CAV1: variants seen among roughly 807,000 people sequenced by gnomAD.
CAV1 encodes caveolin-1.
A neutral mutation model predicts 16.5 loss-of-function variants in CAV1; 10 were observed. The observed-to-expected ratio is 0.61, with a 90% confidence interval of 0.37 to 1.03. The LOEUF (loss-of-function observed/expected upper bound fraction) is 1.03. Among genes scored for constraint, CAV1 ranks in the 50% least tolerant of loss-of-function variants. CAV1 has a pLI of 0.01. For missense variants in CAV1, 212 were observed against 232.8 expected (o/e 0.91, Z 0.58); for synonymous variants, 76 against 85.1 (o/e 0.89, Z 0.59).
chr7:116,555,520 GAGAGAGAGAGAGAGAGAGAGAGA>G (rs1794257621), intron 2 of CAV1, among the ~76,000 whole-genome samples: 1 of 8,966 alleles, frequency 1.1e-4, no homozygotes, highest in Non-Finnish European at 2.2e-4. Flanking sequence ...AAGAAAGAAA[GAGAGAGAGAGAGAGAGAGAGAGA>G]GAAAGAAAGA....
At position 116,525,106 on chromosome 7, in the gene CAV1, G is replaced by C. The variant is rs35697540; in HGVS notation, c.30+14G>C. 3.7e-6 allele frequency: 6 copies of C among 1,614,056 alleles called. No homozygotes were observed. Among genetic ancestry groups the C allele is most frequent in the African/African-American group, 2.7e-5 (2 of 74,928 alleles). On this transcript the variant is annotated intron_variant, in intron 1 of 2. Coordinates refer to ENST00000341049, the MANE Select transcript of CAV1 (RefSeq NM_001753.5). ...GTAGACTCGGAGGTAGGCATCCGTG[G>C]GGGGGCGCCGGCTCGGGCGTGCGGG...
intron 2 of CAV1, among the ~76,000 whole-genome samples, chr7:116,527,845 A>G (rs563719015): frequency 2.0e-5 from 3 of 152,304 alleles, no homozygotes; most frequent in South Asian, 4.1e-4. Flanking sequence ...CAAAAGGGGA[A>G]ACAGTTTAAT....
chr7:116,530,054 C>T (rs1303478537), intron 2 of CAV1, among the ~76,000 whole-genome samples: 1 of 152,146 alleles, frequency 6.6e-6, no homozygotes, highest in Non-Finnish European at 1.5e-5. Context: ...AGATTAGATG[C>T]TTTGCTATGT....
rs1026531266 is a variant in CAV1, at chr7:116,552,195, T to C, written c.196-6751T>C. On this transcript the variant is annotated intron_variant, in intron 2 of 2. Coordinates refer to ENST00000341049, the MANE Select transcript of CAV1 (RefSeq NM_001753.5). ...TGAAAGCCATCTTAGATGCTGTCTA[T>C]CGCATCTAAGTGTGATTTTTCCAGA... Among the ~76,000 whole-genome samples, 3 of 152,346 alleles carry C rather than the reference T, an allele frequency of 2.0e-5. No individual in the cohort carries two copies. In the South Asian group the frequency reaches 6.2e-4, roughly 32 times the overall value.
intron 2 of CAV1, among the ~76,000 whole-genome samples, chr7:116,555,982 A>G (rs1378358978): frequency 6.6e-6 from 1 of 152,190 alleles, no homozygotes; most frequent in Non-Finnish European, 1.5e-5. Context: ...AGCAATAACT[A>G]ACTGAATATA....
At chr7:116,556,490 A>G (rs943936880) in intron 2 of CAV1, among the ~76,000 whole-genome samples, 4 of 152,254 alleles carry the variant, frequency 2.6e-5, no homozygotes, top group African/African-American at 9.6e-5. Context: ...CCTCAAATCT[A>G]CCTCTCTTTT....
intron 2 of CAV1, among the ~76,000 whole-genome samples, chr7:116,535,726 G>A (rs542686204): frequency 4.1e-4 from 63 of 152,244 alleles, no homozygotes; most frequent in Admixed American, 1.3e-3. Flanking sequence ...CTATGTTGAT[G>A]TTTCAGATAT....
chr7:116,542,033 G>T (rs955569526), intron 2 of CAV1, among the ~76,000 whole-genome samples: 2 of 152,188 alleles, frequency 1.3e-5, no homozygotes, highest in Non-Finnish European at 2.9e-5. Context: ...GGGGCAAAGA[G>T]GAATTGATGT....
chr7:116,549,433 T>C (rs145994866), intron 2 of CAV1, among the ~76,000 whole-genome samples: 1 of 152,342 alleles, frequency 6.6e-6, no homozygotes, highest in Non-Finnish European at 1.5e-5. Context: ...CAGTGGGCTT[T>C]CCATGCTGTC....
At chr7:116,526,821 C>G (rs1036602340) in intron 2 of CAV1, 132 bp downstream of exon 2, 2 of 1,034,196 alleles carry the variant, frequency 1.9e-6, no homozygotes, top group East Asian at 5.2e-5. Flanking sequence ...CACACACACA[C>G]AGAGTTTTGT....
intron 2 of CAV1, among the ~76,000 whole-genome samples, chr7:116,549,369 C>A (rs1224803320): frequency 6.6e-6 from 1 of 152,134 alleles, no homozygotes; most frequent in Non-Finnish European, 1.5e-5. Flanking sequence ...CCTATATTTT[C>A]TAAATTGTTT....
At chr7:116,534,395 A>ATATATATATATATATTTTTT (rs1442237865) in intron 2 of CAV1, among the ~76,000 whole-genome samples, 1 of 7,838 alleles carries the variant, frequency 1.3e-4, no homozygotes, top group African/African-American at 3.3e-4. Context: ...ATATATATAT[A>ATATATATATATATATTTTTT]TTTTTTTTTT....
At position 116,544,999 on chromosome 7, in the gene CAV1, A is replaced by G. The variant is rs78012511; in HGVS notation, c.196-13947A>G. ...ACGCTTCATAAATATTGTATAAATG[A>G]ATGAACTCACAAAGTCACAGTACAG... On this transcript the variant is annotated intron_variant, in intron 2 of 2. Coordinates refer to ENST00000341049, the MANE Select transcript of CAV1 (RefSeq NM_001753.5). Among the ~76,000 whole-genome samples, 19 of 152,352 alleles carry G rather than the reference A, an allele frequency of 1.2e-4. 1 individual carries two copies. The East Asian group carries it at 3.7e-3, about 29-fold the overall frequency.
rs370980195 is a variant in CAV1, at chr7:116,535,124, G to A, written c.195+8435G>A. Among the ~76,000 whole-genome samples the A allele has an allele frequency of 6.9e-4, 105 of 152,222 alleles. 1 individual carries two copies. Among genetic ancestry groups the A allele is most frequent in the African/African-American group, 2.2e-3 (92 of 41,546 alleles). On this transcript the variant is annotated intron_variant, in intron 2 of 2. Transcript: ENST00000341049. ...ACAGACTAGCCAGCACTACTCAGCC[G>A]CAAGTAATAGCATCCAGGCATGCTC...
Position 116,555,483 on chromosome 7 carries a change from GAAAA to G in CAV1, c.196-3462_196-3459del, listed in dbSNP as rs1562837918. Reference sequence around the variant, plus strand: ...AGGAAGGAAGGAAGGAAGGAGGAAAGAAAAGAAAGAAAGAAAGAAAGAAAGAAAG... The same window carrying G: ...AGGAAGGAAGGAAGGAAGGAGGAAAGGAAAGAAAGAAAGAAAGAAAGAAAG... On this transcript the variant is annotated intron_variant, in intron 2 of 2. Transcript: ENST00000341049. 2.2e-3 allele frequency among the ~76,000 whole-genome samples: 34 copies of G among 15,374 alleles called. 2 individuals are homozygous for G. Among genetic ancestry groups the G allele is most frequent in the Middle Eastern group, 0.026 (1 of 38 alleles). 10.1% of individuals were successfully genotyped at this position (15,374 alleles called of 152,430 possible). A position where few individuals can be genotyped will look rare whatever the true frequency, so the allele number is the denominator to read the frequency against.
At chr7:116,540,433 T>C (rs1377956528) in intron 2 of CAV1, among the ~76,000 whole-genome samples, 3 of 152,166 alleles carry the variant, frequency 2.0e-5, no homozygotes, top group African/African-American at 7.2e-5. Context: ...AGCTTTCCTA[T>C]CAACAGGCTA....
chr7:116,555,072 C>T (rs1228033089), intron 2 of CAV1, among the ~76,000 whole-genome samples: 3 of 152,198 alleles, frequency 2.0e-5, no homozygotes, highest in South Asian at 4.2e-4. Flanking sequence ...CTCTTTTGAG[C>T]CACTGGTGGG....
chr7:116,547,264 G>T (rs1480505649), intron 2 of CAV1, among the ~76,000 whole-genome samples: 2 of 152,110 alleles, frequency 1.3e-5, no homozygotes, highest in Non-Finnish European at 2.9e-5. Context: ...TAACAGGATG[G>T]AAACTAGAAA....
chr7:116,532,117 G>A (rs1178825817), intron 2 of CAV1, among the ~76,000 whole-genome samples: 2 of 152,240 alleles, frequency 1.3e-5, no homozygotes, highest in Non-Finnish European at 2.9e-5. Flanking sequence ...TTTAAGGCAA[G>A]GTGCACCAAG....
Sources: allele counts gnomAD v4.1 joint callset (sites outside exome capture counted in the v4.1 genomes callset), GRCh38; gene constraint gnomAD v4.1.1; transcripts MANE v1.5; gene names NCBI Gene and HGNC (gene_info 2026-07-23, HGNC 2026-07-21).